The following GLYATL1 variants were observed in gnomAD, a reference collection of about 807,000 sequenced individuals.
GLYATL1 encodes the protein glycine-N-acyltransferase like 1, also known as glycine N-acyltransferase-like protein 1.
In GLYATL1, 15 loss-of-function variants were observed where a neutral mutation model predicts 20.0. The observed-to-expected ratio is 0.75, with a 90% CI of 0.50 to 1.15. The LOEUF is 1.15. Among genes scored for constraint, GLYATL1 ranks in the 50% most tolerant of loss-of-function variants. GLYATL1 has a pLI of 0.00. For missense variants in GLYATL1, 380 were observed against 368.5 expected, an observed-to-expected ratio of 1.03 and a Z score of -0.26; for synonymous variants, 151 against 131.5, an observed-to-expected ratio of 1.15 and a Z score of -1.01.
At chr11:58,935,855 G>A (rs1855810478), upstream of GLYATL1, among the ~76,000 whole-genome samples, 1 of 152,136 alleles carries the variant, frequency 6.6e-6, no homozygotes, top group Non-Finnish European at 1.5e-5. Flanking sequence ...TCATGAGTAT[G>A]TATGTATTCA....
At chr11:58,944,970 G>C (rs979529653) in intron 2 of GLYATL1, among the ~76,000 whole-genome samples, 1 of 150,288 alleles carries the variant, frequency 6.7e-6, no homozygotes, top group Non-Finnish European at 1.5e-5. Flanking sequence ...GAAGTACCCA[G>C]AATAGGCAAA....
At chr11:58,921,158 T>A (rs561225128) in intron 1 of GLYATL1, among the ~76,000 whole-genome samples, 19 of 152,268 alleles carry the variant, frequency 1.2e-4, no homozygotes, top group Non-Finnish European at 2.2e-4. Context: ...AGCAAGAAAT[T>A]TGGGATCCAG....
intron 1 of GLYATL1, among the ~76,000 whole-genome samples, chr11:58,916,564 T>C (rs566379168): frequency 6.6e-6 from 1 of 152,326 alleles, no homozygotes; most frequent in South Asian, 2.1e-4. Context: ...CCACAGAGGC[T>C]TCACAGTGCA....
intron 4 of GLYATL1, among the ~76,000 whole-genome samples, chr11:58,948,339 A>G (rs991489143): frequency 6.6e-6 from 1 of 152,202 alleles, no homozygotes; most frequent in African/African-American, 2.4e-5. Context: ...TAAGTCTACC[A>G]GTAAAATTAC....
chr11:58,955,979 T>G lies in GLYATL1; in HGVS notation c.861T>G (p.Cys287Trp), dbSNP rs1041940963. Residue 287 changes from cysteine (C) to tryptophan (W), a missense_variant, in exon 7 of 7, where the codon TGT becomes TGG. By Grantham distance (215) the Cys-to-Trp change is radical (BLOSUM62 -2). Coordinates refer to ENST00000532726, the MANE Select transcript of GLYATL1 (RefSeq NM_001389712.2). ...VGQFGFFEASCEWHQWTCYPQ... is the reference protein window; with the variant it reads ...VGQFGFFEASWEWHQWTCYPQ... Reference sequence around the variant, plus strand: ...AGTTTGGTTTCTTTGAGGCCTCCTGTGAGTGGCACCAATGGACTTGCTACC... The same window carrying G: ...AGTTTGGTTTCTTTGAGGCCTCCTGGGAGTGGCACCAATGGACTTGCTACC... 1.2e-6 allele frequency: 2 copies of G among 1,613,820 alleles called. No homozygotes were observed. Among genetic ancestry groups the G allele is most frequent in the East Asian group, 4.5e-5 (2 of 44,874 alleles).
chr11:58,924,747 C>T (rs569607510), upstream of GLYATL1, among the ~76,000 whole-genome samples: 112 of 152,202 alleles, frequency 7.4e-4, no homozygotes, highest in African/African-American at 2.5e-3. Context: ...TAAGAGTGAC[C>T]GGTAGTGTTA....
At chr11:58,917,778 G>T (rs1437455803) in intron 1 of GLYATL1, among the ~76,000 whole-genome samples, 1 of 152,134 alleles carries the variant, frequency 6.6e-6, no homozygotes, top group Non-Finnish European at 1.5e-5. Flanking sequence ...ATGGGGGAAA[G>T]GAAAATTTGT....
intron 4 of GLYATL1, among the ~76,000 whole-genome samples, chr11:58,949,802 A>G (rs1856835498): frequency 6.6e-6 from 1 of 152,166 alleles, no homozygotes; most frequent in Admixed American, 6.5e-5. Context: ...CTGATTTTGA[A>G]TAAGAGCTTT....
chr11:58,941,336 T>C (rs996293750), intron 1 of GLYATL1, among the ~76,000 whole-genome samples: 2 of 151,960 alleles, frequency 1.3e-5, no homozygotes, highest in African/African-American at 2.4e-5. Context: ...TGATGATTTC[T>C]AGTTTCATCC....
At chr11:58,954,411 C>T (rs1402651974) in intron 4 of GLYATL1, among the ~76,000 whole-genome samples, 2 of 151,988 alleles carry the variant, frequency 1.3e-5, no homozygotes, top group Non-Finnish European at 2.9e-5. Context: ...CTGCTGGGTG[C>T]TTGGTGATGC....
At chr11:58,929,674 T>C (rs1473620955) in intron 1 of GLYATL1, among the ~76,000 whole-genome samples, 1 of 152,230 alleles carries the variant, frequency 6.6e-6, no homozygotes, top group Non-Finnish European at 1.5e-5. Context: ...TTCCTTCTAC[T>C]CTTTTTAGTT....
chr11:58,944,145 G>A (rs754248267), intron 2 of GLYATL1, among the ~76,000 whole-genome samples: 1 of 152,146 alleles, frequency 6.6e-6, no homozygotes, highest in African/African-American at 2.4e-5. Flanking sequence ...CATTACTAAA[G>A]ATACTTAGAG....
At chr11:58,954,930 G>C in intron 5 of GLYATL1, 34 bp downstream of exon 5, 1 of 1,592,158 alleles carries the variant, frequency 6.3e-7, no homozygotes, top group East Asian at 2.2e-5. Context: ...AAGCAGCTGT[G>C]CTTCTCAAAT....
upstream of GLYATL1, among the ~76,000 whole-genome samples, chr11:58,926,982 C>T (rs1855443127): frequency 6.6e-6 from 1 of 152,178 alleles, no homozygotes; most frequent in Non-Finnish European, 1.5e-5. Context: ...TATCTGTAAT[C>T]AGTGGGTTAA....
downstream of GLYATL1, among the ~76,000 whole-genome samples, chr11:58,910,749 G>A (rs1175022312): frequency 1.3e-5 from 2 of 152,114 alleles, no homozygotes; most frequent in East Asian, 3.8e-4. Flanking sequence ...AAATCCCCAT[G>A]CCCAATTGAT....
At chr11:58,917,345 T>C (rs1027451250) in intron 1 of GLYATL1, 23 of 152,154 alleles carry the variant, frequency 1.5e-4, no homozygotes, top group African/African-American at 5.3e-4. Flanking sequence ...TTTTACTGAG[T>C]GCACTCAGAC....
At chr11:58,943,384 CA>C in intron 1 of GLYATL1, 158 bp from the exon 2 acceptor site, 1 of 1,539,342 alleles carries the variant, frequency 6.5e-7, no homozygotes. Flanking sequence ...TCCTGTACAT[CA>C]CTTTACCTTT....
At chr11:58,906,164 A>G (rs1208486274) in intron 1 of GLYATL1, among the ~76,000 whole-genome samples, 1 of 152,202 alleles carries the variant, frequency 6.6e-6, no homozygotes, top group Non-Finnish European at 1.5e-5. Flanking sequence ...GATGGCCGGC[A>G]GGGGCAGTAG....
At chr11:58,912,718 G>C (rs1380395087), downstream of GLYATL1, among the ~76,000 whole-genome samples, 1 of 152,180 alleles carries the variant, frequency 6.6e-6, no homozygotes, top group Non-Finnish European at 1.5e-5. Context: ...CAGAGGGGAG[G>C]TATTTGTTCT....
Sources: allele counts gnomAD v4.1 joint callset (sites outside exome capture counted in the v4.1 genomes callset), GRCh38; gene constraint gnomAD v4.1.1; transcripts MANE v1.5; gene names NCBI Gene and HGNC (gene_info 2026-07-23, HGNC 2026-07-21).